Variants in GPR158 observed in about 807,000 individuals in gnomAD.
GPR158 encodes the protein metabotropic glycine receptor.
In GPR158, 30 loss-of-function variants were observed where a neutral mutation model predicts 78.2. That is an observed-to-expected ratio of 0.38 (90% CI 0.29 to 0.52). The LOEUF (loss-of-function observed/expected upper bound fraction) is 0.52, where lower values mean the gene tolerates loss of function less well. Ranked by LOEUF, GPR158 falls within the 20% of genes least tolerant of loss-of-function variation. The probability of loss-of-function intolerance (pLI) is 0.83; values close to 1 mark genes in which losing one functional copy is unlikely to be tolerated. For synonymous variants in GPR158, 581 were observed against 591.1 expected (o/e 0.98, Z 0.25); for missense variants, 1,463 against 1,523.5 (o/e 0.96, Z 0.66).
chr10:25,296,491 AATCT>A lies in GPR158; in HGVS notation c.1008+75341_1008+75344del, dbSNP rs531807262. 1.7e-3 allele frequency among the ~76,000 whole-genome samples: 264 copies of A among 151,562 alleles called. 1 individual carries two copies. The highest frequency in any genetic ancestry group is 6.2e-3 in the African/African-American group (255 of 41,266). On this transcript the variant is annotated intron_variant, in intron 2 of 10. Coordinates refer to ENST00000376351, the MANE Select transcript of GPR158 (RefSeq NM_020752.3). ...TCTGTCTGTCTTTCTATCTATATCT[AATCT>A]ATCTATTGATTGATTGATTGATTAT...
intron 2 of GPR158, among the ~76,000 whole-genome samples, chr10:25,328,527 T>C (rs1855067952): frequency 1.3e-5 from 2 of 152,150 alleles, no homozygotes; most frequent in Non-Finnish European, 2.9e-5. Context: ...TCACTAGAAT[T>C]CCTAAAGAAC....
At chr10:25,493,658 T>C (rs1437511468) in intron 5 of GPR158, among the ~76,000 whole-genome samples, 3 of 152,200 alleles carry the variant, frequency 2.0e-5, no homozygotes, top group Non-Finnish European at 4.4e-5. Context: ...CAGTCAAGTT[T>C]CTTAGTGACT....
intron 5 of GPR158, among the ~76,000 whole-genome samples, chr10:25,506,237 T>G (rs961236707): frequency 2.0e-5 from 3 of 152,204 alleles, no homozygotes; most frequent in Non-Finnish European, 4.4e-5. Flanking sequence ...TTTATGGTGA[T>G]AGTAGCATTA....
chr10:25,566,188 T>C (rs1302452941), intron 6 of GPR158, among the ~76,000 whole-genome samples: 2 of 152,032 alleles, frequency 1.3e-5, no homozygotes, highest in African/African-American at 4.8e-5. Flanking sequence ...CACAGAAAAA[T>C]GGGCAGTTAA....
intron 6 of GPR158, among the ~76,000 whole-genome samples, chr10:25,563,350 T>C (rs1024177107): frequency 2.0e-5 from 3 of 152,126 alleles, no homozygotes; most frequent in African/African-American, 7.2e-5. Flanking sequence ...AGATCTACGG[T>C]AACTCTCTTA....
intron 6 of GPR158, among the ~76,000 whole-genome samples, chr10:25,567,179 A>G (rs908427011): frequency 3.3e-5 from 5 of 152,188 alleles, no homozygotes; most frequent in Non-Finnish European, 7.3e-5. Flanking sequence ...AATCACATAC[A>G]AATGCAAATG....
chr10:25,552,625 T>C (rs1836740887), intron 6 of GPR158, among the ~76,000 whole-genome samples: 1 of 152,202 alleles, frequency 6.6e-6, no homozygotes, highest in South Asian at 2.1e-4. Context: ...TCAGCACAAA[T>C]GACTGACCCA....
At chr10:25,518,261 C>G (rs1286248672) in intron 5 of GPR158, among the ~76,000 whole-genome samples, 2 of 86,852 alleles carry the variant, frequency 2.3e-5, no homozygotes, top group African/African-American at 1.2e-4. Flanking sequence ...ATTCTTCTCT[C>G]TTTTTTTCTT....
intron 4 of GPR158, among the ~76,000 whole-genome samples, chr10:25,434,054 G>A (rs1564454865): frequency 6.6e-6 from 1 of 152,166 alleles, no homozygotes; most frequent in Non-Finnish European, 1.5e-5. Context: ...AGTTACTCAG[G>A]AGACTGAGGC....
intron 1 of GPR158, among the ~76,000 whole-genome samples, chr10:25,199,152 A>C (rs1375580343): frequency 2.7e-5 from 4 of 147,658 alleles, no homozygotes; most frequent in Non-Finnish European, 1.5e-5. Flanking sequence ...CTTTTATTAT[A>C]GGTTCATGGT....
At chr10:25,184,129 C>T (rs537154110) in intron 1 of GPR158, among the ~76,000 whole-genome samples, 3 of 152,288 alleles carry the variant, frequency 2.0e-5, no homozygotes, top group African/African-American at 7.2e-5. Context: ...TATAAATTAC[C>T]AACTTGCAGC....
Position 25,601,948 on chromosome 10 carries a change from TG to T in GPR158, c.*2675del, listed in dbSNP as rs1344617571. ...GTAAACTTTGGTGGCAATATGGATT[TG>T]AAACTCGACAGTTCTCTTGTATTTG... On this transcript the variant is annotated 3_prime_UTR_variant, in exon 11 of 11. Transcript: ENST00000376351. The T allele has an allele frequency of 6.6e-6, 1 of 152,642 alleles. No homozygotes were observed. The highest frequency in any genetic ancestry group is 1.5e-5 in the Non-Finnish European group (1 of 68,034). 9.5% of individuals were successfully genotyped at this position (152,642 alleles called of 1,614,324 possible).
At chr10:25,385,648 G>T (rs1588838880) in intron 2 of GPR158, among the ~76,000 whole-genome samples, 1 of 152,078 alleles carries the variant, frequency 6.6e-6, no homozygotes, top group African/African-American at 2.4e-5. Flanking sequence ...ATAATTTTTT[G>T]ATAGTGGCCA....
intron 2 of GPR158, among the ~76,000 whole-genome samples, chr10:25,238,884 A>G (rs1254946311): frequency 2.0e-5 from 3 of 152,230 alleles, no homozygotes; most frequent in African/African-American, 7.2e-5. Flanking sequence ...CACACTTTAT[A>G]CAGGTATAGC....
At position 25,206,966 on chromosome 10, in the gene GPR158, T is replaced by G. The variant is rs1299278212; in HGVS notation, c.903-14086T>G. Among the ~76,000 whole-genome samples, 3 of 151,388 alleles carry G rather than the reference T, an allele frequency of 2.0e-5. No individual in the cohort carries two copies. In the East Asian group the frequency reaches 5.8e-4, roughly 29 times the overall value. On this transcript the variant is annotated intron_variant, in intron 1 of 10. Coordinates refer to ENST00000376351, the MANE Select transcript of GPR158 (RefSeq NM_020752.3). ...TATTCCAGAGTTTCAAGTCTGTCTG[T>G]GTCAGTTCCCACTTTTGCCCAAGTC...
At chr10:25,531,411 G>A (rs555826239) in intron 5 of GPR158, among the ~76,000 whole-genome samples, 1 of 152,300 alleles carries the variant, frequency 6.6e-6, no homozygotes, top group South Asian at 2.1e-4. Context: ...AAAGTGAATA[G>A]GAGGAAGACT....
chr10:25,579,526 C>T (rs1403479068), intron 7 of GPR158, among the ~76,000 whole-genome samples: 3 of 152,170 alleles, frequency 2.0e-5, no homozygotes, highest in Non-Finnish European at 4.4e-5. Flanking sequence ...TCAATTTGTG[C>T]TTACACATTT....
intron 2 of GPR158, among the ~76,000 whole-genome samples, chr10:25,325,784 G>C (rs992722895): frequency 6.6e-6 from 1 of 151,846 alleles, no homozygotes; most frequent in Non-Finnish European, 1.5e-5. Flanking sequence ...GTTATCTTTT[G>C]TCTTTTTGAT....
At chr10:25,343,953 A>G (rs1034913654) in intron 2 of GPR158, among the ~76,000 whole-genome samples, 4 of 151,956 alleles carry the variant, frequency 2.6e-5, no homozygotes, top group Admixed American at 2.6e-4. Context: ...TATTAGAGAA[A>G]AATCGGTCAT....
Sources: allele counts gnomAD v4.1 joint callset (sites outside exome capture counted in the v4.1 genomes callset), GRCh38; gene constraint gnomAD v4.1.1; transcripts MANE v1.5; gene names NCBI Gene and HGNC (gene_info 2026-07-23, HGNC 2026-07-21).